SYT14: variants seen among roughly 807,000 people sequenced by gnomAD.
The protein encoded by SYT14 is synaptotagmin-14.
A neutral mutation model predicts 74.2 loss-of-function variants in SYT14; 32 were observed. That is an observed-to-expected ratio of 0.43 (90% CI 0.33 to 0.58). The LOEUF is 0.58. Ranked by LOEUF, SYT14 falls within the 20% of genes least tolerant of loss-of-function variation. The pLI is 0.05. For synonymous variants in SYT14, 298 were observed against 337.7 expected (o/e 0.88, Z 1.29); for missense variants, 791 against 981.8 (o/e 0.81, Z 2.60).
intron 2 of SYT14, among the ~76,000 whole-genome samples, chr1:210,011,976 T>G (rs1164790458): frequency 2.0e-5 from 3 of 152,204 alleles, no homozygotes; most frequent in African/African-American, 7.2e-5. Context: ...AGAAGCTGTC[T>G]TTTGTCTTTT....
chr1:210,035,289 A>G (rs1276313800), intron 5 of SYT14, among the ~76,000 whole-genome samples: 4 of 151,666 alleles, frequency 2.6e-5, no homozygotes. Context: ...AGTTGTTTGC[A>G]TTCCTCGTAG....
chr1:210,078,309 CAAAAAAAAAAAAAA>C (rs59924487), intron 5 of SYT14, among the ~76,000 whole-genome samples: 4 of 72,060 alleles, frequency 5.6e-5, no homozygotes, highest in Admixed American at 1.8e-4. Flanking sequence ...GACTCCGTCT[CAAAAAAAAAAAAAA>C]AAAAAAAAAA....
intron 2 of SYT14, among the ~76,000 whole-genome samples, chr1:209,984,658 G>A (rs1370868973): frequency 1.3e-5 from 2 of 152,160 alleles, no homozygotes; most frequent in Non-Finnish European, 1.5e-5. Flanking sequence ...CAACATGTGT[G>A]TATTAGTCCA....
chr1:209,963,291 C>T (rs1335375589), intron 2 of SYT14, among the ~76,000 whole-genome samples: 2 of 152,242 alleles, frequency 1.3e-5, no homozygotes, highest in South Asian at 2.1e-4. Context: ...TGGTGTCATA[C>T]ATACCATCCA....
chr1:209,988,356 T>A (rs2079607028), intron 2 of SYT14, among the ~76,000 whole-genome samples: 1 of 152,218 alleles, frequency 6.6e-6, no homozygotes, highest in African/African-American at 2.4e-5. Context: ...TTCAAACCCA[T>A]GGAATATATC....
At chr1:210,074,327 G>A (rs1427532066) in intron 5 of SYT14, among the ~76,000 whole-genome samples, 1 of 152,166 alleles carries the variant, frequency 6.6e-6, no homozygotes, top group Non-Finnish European at 1.5e-5. Flanking sequence ...CATCAGAGAT[G>A]TAAATAAGTT....
chr1:210,153,414 C>T (rs2102706172), intron 7 of SYT14, among the ~76,000 whole-genome samples: 1 of 152,232 alleles, frequency 6.6e-6, no homozygotes, highest in Non-Finnish European at 1.5e-5. Context: ...CAAAATTGAG[C>T]TAATACAGTA....
At chr1:210,168,045 A>G (rs549768646) in exon 10 of SYT14, 1 of 139,822 alleles carries the variant, frequency 7.2e-6, no homozygotes, top group East Asian at 2.2e-4. Flanking sequence ...TAATCATAGC[A>G]TGTTTGTTGT....
At chr1:210,159,312 A>C (rs1223423839) in intron 8 of SYT14, 109 bp from the exon 8 acceptor site, 2 of 1,051,386 alleles carry the variant, frequency 1.9e-6, no homozygotes, top group East Asian at 5.2e-5. Context: ...GTGTTCTTCC[A>C]CTCCAGTGAA....
chr1:210,127,708 G>A (rs576649763), intron 7 of SYT14, among the ~76,000 whole-genome samples: 1 of 152,100 alleles, frequency 6.6e-6, no homozygotes, highest in African/African-American at 2.4e-5. Context: ...CTCTTTCCAA[G>A]TATATAATAT....
chr1:210,123,054 C>G (rs891831986), intron 7 of SYT14, among the ~76,000 whole-genome samples: 1 of 152,140 alleles, frequency 6.6e-6, no homozygotes, highest in African/African-American at 2.4e-5. Context: ...ACTTAAATAT[C>G]TGACAAGTCG....
intron 1 of SYT14, among the ~76,000 whole-genome samples, chr1:209,952,421 ATGCT>A (rs1164010363): frequency 6.6e-6 from 1 of 152,174 alleles, no homozygotes; most frequent in Non-Finnish European, 1.5e-5. Context: ...ATGTGAAGAG[ATGCT>A]TGGGAAATAT....
At chr1:210,065,854 C>T (rs1255201995) in intron 5 of SYT14, among the ~76,000 whole-genome samples, 1 of 151,460 alleles carries the variant, frequency 6.6e-6, no homozygotes. Context: ...TTAGGTATAT[C>T]TCCTAATGCT....
chr1:209,979,975 T>C (rs1011258527), intron 2 of SYT14, among the ~76,000 whole-genome samples: 1 of 152,236 alleles, frequency 6.6e-6, no homozygotes, highest in African/African-American at 2.4e-5. Flanking sequence ...TACCCAGTAA[T>C]GGGAGCATTG....
At chr1:210,071,799 C>T (rs1243502205) in intron 5 of SYT14, among the ~76,000 whole-genome samples, 1 of 151,968 alleles carries the variant, frequency 6.6e-6, no homozygotes, top group African/African-American at 2.4e-5. Context: ...GCTTCGATTC[C>T]ATTTTGCAGT....
At chr1:209,998,944 G>T (rs1445658491) in intron 2 of SYT14, among the ~76,000 whole-genome samples, 1 of 151,982 alleles carries the variant, frequency 6.6e-6, no homozygotes, top group East Asian at 1.9e-4. Flanking sequence ...AGACAAATGG[G>T]ACTATATTAA....
At chr1:210,050,304 G>A (rs1443389476) in intron 5 of SYT14, among the ~76,000 whole-genome samples, 7 of 152,170 alleles carry the variant, frequency 4.6e-5, no homozygotes, top group Non-Finnish European at 1.0e-4. Flanking sequence ...AGTCACCTTT[G>A]CTCTGGTTCT....
At chr1:210,102,444 G>A (rs1210703327) in intron 7 of SYT14, among the ~76,000 whole-genome samples, 1 of 151,906 alleles carries the variant, frequency 6.6e-6, no homozygotes, top group Non-Finnish European at 1.5e-5. Flanking sequence ...CTCATTGGTT[G>A]CTTTTGGCTT....
At position 210,069,608 on chromosome 1, in the gene SYT14, C is replaced by T. The variant is rs1195124098; in HGVS notation, c.1313-24714C>T. Among the ~76,000 whole-genome samples, 6 of 151,898 alleles carry T rather than the reference C, an allele frequency of 4.0e-5. No homozygotes were observed. The East Asian group carries it at 9.8e-4, about 25-fold the overall frequency. On this transcript the variant is annotated intron_variant, in intron 5 of 9. Coordinates refer to ENST00000637265, the Ensembl canonical transcript of SYT14. The stretch of plus-strand genomic sequence containing the variant: ...TATTTGTTATAATGTGCTTACACAG[C>T]TTTTAAAAATTGGTATTTGTTAAGT...
Sources: gnomAD v4.1 joint callset for allele counts (sites outside exome capture counted in the v4.1 genomes callset) on GRCh38, gnomAD v4.1.1 for gene constraint, MANE v1.5 for transcripts, NCBI Gene and HGNC (gene_info 2026-07-23, HGNC 2026-07-21) for gene names.